TRPM3: variants seen among roughly 807,000 people sequenced by gnomAD.
TRPM3 encodes transient receptor potential cation channel subfamily M member 3, also known as long transient receptor potential channel 3.
Under a neutral mutation model 181.2 loss-of-function variants are expected in TRPM3, and 77 were observed. The observed-to-expected ratio is 0.42, with a 90% confidence interval of 0.35 to 0.51. The LOEUF is 0.51. TRPM3 is among the 20% of genes least tolerant of loss of function. The probability of loss-of-function intolerance (pLI) is 0.01; values close to 1 mark genes in which losing one functional copy is unlikely to be tolerated. For missense variants in TRPM3, 1,759 were observed against 2,196.7 expected, an observed-to-expected ratio of 0.80 and a Z score of 3.98; for synonymous variants, 745 against 796.4, an observed-to-expected ratio of 0.94 and a Z score of 1.09.
intron 1 of TRPM3, among the ~76,000 whole-genome samples, chr9:70,978,556 G>C (rs1204794682): frequency 1.3e-5 from 2 of 152,160 alleles, no homozygotes; most frequent in African/African-American, 4.8e-5. Context: ...GTGCTTCAGA[G>C]ATATCATCCA....
chr9:70,619,074 C>T lies in TRPM3; in HGVS notation c.2151G>A (p.Val717=), dbSNP rs953503928. ...HNSRDFGQLA[V]ELLDQSYKQD... is the part of the protein sequence containing the mutation. ...GCTTGTAGGACTGGTCCAGGAGCTC[C>T]ACAGCCAGCTGGCCAAAGTCTCTGA... The change falls in exon 17 of 26, where the codon GTG becomes GTA. Residue 717 remains valine, a synonymous_variant. Coordinates refer to ENST00000677713, the MANE Select transcript of TRPM3 (RefSeq NM_001366145.2). The T allele has an allele frequency of 1.2e-6, 2 of 1,613,576 alleles. No individual in the cohort carries two copies. The highest frequency in any genetic ancestry group is 1.7e-6 in the Non-Finnish European group (2 of 1,179,772).
intron 1 of TRPM3, among the ~76,000 whole-genome samples, chr9:71,219,510 A>G (rs533369133): frequency 6.6e-6 from 1 of 152,324 alleles, no homozygotes; most frequent in Non-Finnish European, 1.5e-5. Context: ...AGCCAATAAA[A>G]TTGTCCTGAA....
intron 1 of TRPM3, among the ~76,000 whole-genome samples, chr9:71,106,419 T>C (rs748213458): frequency 3.3e-5 from 5 of 152,064 alleles, no homozygotes; most frequent in Non-Finnish European, 5.9e-5. Flanking sequence ...CAGATCTGGT[T>C]GTTTAAATAT....
intron 1 of TRPM3, among the ~76,000 whole-genome samples, chr9:71,028,132 C>T (rs2056815282): frequency 6.6e-6 from 1 of 152,134 alleles, no homozygotes; most frequent in African/African-American, 2.4e-5. Flanking sequence ...AAAAACCATA[C>T]AAGCCAGAAG....
chr9:71,004,791 T>A (rs541709956), intron 1 of TRPM3, among the ~76,000 whole-genome samples: 1 of 151,930 alleles, frequency 6.6e-6, no homozygotes, highest in Non-Finnish European at 1.5e-5. Context: ...GAAACAATAA[T>A]AATAAAAAGA....
chr9:70,990,517 C>T (rs1205918705), intron 1 of TRPM3, among the ~76,000 whole-genome samples: 1 of 152,096 alleles, frequency 6.6e-6, no homozygotes, highest in Non-Finnish European at 1.5e-5. Context: ...TCCCTAGATC[C>T]CTGTTCCTTT....
intron 1 of TRPM3, among the ~76,000 whole-genome samples, chr9:71,199,420 A>C (rs150679150): frequency 6.6e-6 from 1 of 152,094 alleles, no homozygotes; most frequent in Non-Finnish European, 1.5e-5. Context: ...CTCTTTTTCT[A>C]TGGATTGGAA....
At chr9:71,144,061 A>T (rs1032846) in intron 1 of TRPM3, among the ~76,000 whole-genome samples, 96,370 of 152,032 alleles carry the variant, frequency 0.63, 32,835 homozygotes, top group East Asian at 0.8. Flanking sequence ...TTTCTTTTTG[A>T]ATTGGTTAGT....
chr9:71,272,741 T>C (rs2083899964), intron 1 of TRPM3, among the ~76,000 whole-genome samples: 1 of 152,192 alleles, frequency 6.6e-6, no homozygotes, highest in African/African-American at 2.4e-5. Flanking sequence ...ATCATATATT[T>C]TTTAGTGTTA....
intron 1 of TRPM3, among the ~76,000 whole-genome samples, chr9:70,868,545 T>C (rs2095707331): frequency 6.6e-6 from 1 of 152,162 alleles, no homozygotes; most frequent in South Asian, 2.1e-4. Context: ...CTTCTTACTA[T>C]GTCCTCCCCA....
At chr9:71,063,587 A>G (rs541837536) in intron 1 of TRPM3, among the ~76,000 whole-genome samples, 1 of 152,248 alleles carries the variant, frequency 6.6e-6, no homozygotes, top group African/African-American at 2.4e-5. Context: ...GAGGGATTCA[A>G]TAGTCAGAGG....
At chr9:70,567,403 A>C (rs2050893998) in intron 22 of TRPM3, among the ~76,000 whole-genome samples, 1 of 152,280 alleles carries the variant, frequency 6.6e-6, no homozygotes, top group African/African-American at 2.4e-5. Flanking sequence ...TACACAGCAA[A>C]GATCAACTAA....
At chr9:70,991,242 A>G (rs1388436270) in intron 1 of TRPM3, among the ~76,000 whole-genome samples, 1 of 152,146 alleles carries the variant, frequency 6.6e-6, no homozygotes, top group Non-Finnish European at 1.5e-5. Flanking sequence ...TATTTTCACT[A>G]ATTTATTATT....
chr9:71,249,660 A>C (rs746323099), intron 1 of TRPM3, among the ~76,000 whole-genome samples: 7 of 152,228 alleles, frequency 4.6e-5, no homozygotes, highest in Admixed American at 1.3e-4. Context: ...TCTGCTGCAA[A>C]ATACAACTAA....
At chr9:71,287,820 C>A (rs2085428693) in intron 1 of TRPM3, among the ~76,000 whole-genome samples, 1 of 152,084 alleles carries the variant, frequency 6.6e-6, no homozygotes. Context: ...CTAAGCAATG[C>A]GCCCGATGTC....
intron 7 of TRPM3, 33 bp downstream of exon 7, chr9:70,784,072 G>C (rs1465658367): frequency 1.9e-6 from 3 of 1,602,558 alleles, no homozygotes; most frequent in South Asian, 1.1e-5. Context: ...ACAGGCTTTA[G>C]GGTTCTTCCA....
At chr9:71,251,867 C>A (rs990453368) in intron 1 of TRPM3, among the ~76,000 whole-genome samples, 5 of 152,264 alleles carry the variant, frequency 3.3e-5, no homozygotes, top group African/African-American at 1.2e-4. Context: ...ACCATCCTCT[C>A]CACCTTCTGG....
At chr9:71,285,265 G>T (rs1357467467) in intron 1 of TRPM3, among the ~76,000 whole-genome samples, 6 of 152,216 alleles carry the variant, frequency 3.9e-5, no homozygotes, top group African/African-American at 1.2e-4. Context: ...TTATCTGACG[G>T]TTAGAAATAA....
rs760417435 is a variant in TRPM3, at chr9:71,313,325, CT to C, written c.183+133327del. Among the ~76,000 whole-genome samples, 11 of 152,198 alleles carry C rather than the reference CT, an allele frequency of 7.2e-5. No individual in the cohort carries two copies. The East Asian group carries it at 1.5e-3, about 21-fold the overall frequency. ...CTGATACGGATACCCAAATCTAGTA[CT>C]TTAAAAGTTTTTAAAATAATGAACT... is the stretch of plus-strand genomic sequence containing the variant. On this transcript the variant is annotated intron_variant, in intron 1 of 24. Coordinates refer to the TRPM3 transcript ENST00000357533.
Sources: allele counts gnomAD v4.1 joint callset (sites outside exome capture counted in the v4.1 genomes callset), GRCh38; gene constraint gnomAD v4.1.1; transcripts MANE v1.5; gene names NCBI Gene and HGNC (gene_info 2026-07-23, HGNC 2026-07-21).